The following RUNDC3B variants were observed in gnomAD, a reference collection of about 807,000 sequenced individuals.
The protein encoded by RUNDC3B is RUN domain containing 3B.
A neutral mutation model predicts 58.4 loss-of-function variants in RUNDC3B; 33 were observed. The observed-to-expected ratio is 0.56, with a 90% confidence interval of 0.43 to 0.75. The LOEUF is 0.75. RUNDC3B is among the 30% of genes least tolerant of loss of function. The pLI, the probability that RUNDC3B is intolerant of heterozygous loss-of-function variation, is 0.00. For missense variants in RUNDC3B, 501 were observed against 535.7 expected, an observed-to-expected ratio of 0.94 and a Z score of 0.64; for synonymous variants, 193 against 195.2, an observed-to-expected ratio of 0.99 and a Z score of 0.10.
chr7:87,700,726 C>T (rs970324205), intron 3 of RUNDC3B, among the ~76,000 whole-genome samples, 172 bp downstream of exon 3: 6 of 152,126 alleles, frequency 3.9e-5, no homozygotes, highest in Non-Finnish European at 8.8e-5. Flanking sequence ...ACTAGTGGCT[C>T]TCAAATAATG....
chr7:87,791,351 C>A (rs1835512979), intron 8 of RUNDC3B, among the ~76,000 whole-genome samples: 1 of 151,984 alleles, frequency 6.6e-6, no homozygotes, highest in African/African-American at 2.4e-5. Flanking sequence ...CTTCAATCTT[C>A]ATGAAAAGGA....
chr7:87,648,899 A>G (rs1823292879), intron 1 of RUNDC3B, among the ~76,000 whole-genome samples: 1 of 151,980 alleles, frequency 6.6e-6, no homozygotes, highest in Non-Finnish European at 1.5e-5. Context: ...TCAATTTCTA[A>G]TATGGTGAAT....
intron 6 of RUNDC3B, among the ~76,000 whole-genome samples, chr7:87,757,476 G>T (rs1378950672): frequency 6.6e-6 from 1 of 151,968 alleles, no homozygotes; most frequent in Non-Finnish European, 1.5e-5. Context: ...ATTAACCAAA[G>T]AAGTAAGAGA....
At chr7:87,679,885 A>G (rs948799220) in intron 2 of RUNDC3B, among the ~76,000 whole-genome samples, 1 of 150,746 alleles carries the variant, frequency 6.6e-6, no homozygotes, top group Non-Finnish European at 1.5e-5. Flanking sequence ...AACAGAAGAT[A>G]TCTGAAAAAT....
chr7:87,805,966 C>T (rs1400707207), intron 8 of RUNDC3B, among the ~76,000 whole-genome samples: 5 of 152,148 alleles, frequency 3.3e-5, no homozygotes, highest in Non-Finnish European at 5.9e-5. Flanking sequence ...CAGCCACTCT[C>T]TTTGTAAAGC....
At chr7:87,757,504 A>G (rs1243630575) in intron 6 of RUNDC3B, among the ~76,000 whole-genome samples, 1 of 152,204 alleles carries the variant, frequency 6.6e-6, no homozygotes, top group Non-Finnish European at 1.5e-5. Flanking sequence ...AATGAAAATT[A>G]TAAAATACTG....
intron 2 of RUNDC3B, among the ~76,000 whole-genome samples, chr7:87,689,275 T>A (rs1389454112): frequency 1.3e-5 from 2 of 152,126 alleles, no homozygotes; most frequent in Non-Finnish European, 2.9e-5. Context: ...TGATCTCTGA[T>A]GGTAATTCAT....
chr7:87,665,442 C>A (rs894938978), intron 2 of RUNDC3B, among the ~76,000 whole-genome samples: 1 of 152,074 alleles, frequency 6.6e-6, no homozygotes, highest in Admixed American at 6.6e-5. Context: ...GTAGAAGACA[C>A]AAATAAATAG....
chr7:87,748,109 A>G (rs183541145), intron 6 of RUNDC3B, among the ~76,000 whole-genome samples: 5 of 152,284 alleles, frequency 3.3e-5, no homozygotes, highest in African/African-American at 1.2e-4. Flanking sequence ...CCTGTGGTAC[A>G]GGCAGGAATG....
intron 10 of RUNDC3B, among the ~76,000 whole-genome samples, chr7:87,816,560 C>A (rs1490353562): frequency 1.3e-5 from 2 of 152,142 alleles, no homozygotes; most frequent in East Asian, 3.8e-4. Flanking sequence ...AGGTAATCAG[C>A]TATTAACATA....
intron 4 of RUNDC3B, among the ~76,000 whole-genome samples, chr7:87,715,298 TA>T (rs1372666428): frequency 1.6e-5 from 2 of 123,930 alleles, no homozygotes; most frequent in Non-Finnish European, 3.2e-5. Flanking sequence ...TAATTTATAA[TA>T]ATTATATATA....
intron 8 of RUNDC3B, among the ~76,000 whole-genome samples, chr7:87,805,719 C>G (rs1836400832): frequency 6.6e-6 from 1 of 152,262 alleles, no homozygotes; most frequent in Non-Finnish European, 1.5e-5. Context: ...AGTGCCATTT[C>G]CTCACAGATG....
intron 10 of RUNDC3B, among the ~76,000 whole-genome samples, chr7:87,822,950 A>T (rs1308543217): frequency 1.3e-5 from 2 of 152,132 alleles, no homozygotes; most frequent in African/African-American, 4.8e-5. Context: ...ATGACGAGTT[A>T]TTTGGTGCAG....
At chr7:87,811,264 C>T (rs1584261697) in intron 9 of RUNDC3B, among the ~76,000 whole-genome samples, 1 of 151,858 alleles carries the variant, frequency 6.6e-6, no homozygotes, top group East Asian at 1.9e-4. Context: ...CCCAATTTGG[C>T]CATAATTCAC....
chr7:87,629,102 A>C (rs1323729287), intron 1 of RUNDC3B, 157 bp downstream of exon 1: 1 of 651,060 alleles, frequency 1.5e-6, no homozygotes, highest in Non-Finnish European at 2.2e-6. Context: ...AGCTCCTTGG[A>C]CAGGGGCCCG....
chr7:87,740,266 C>T (rs1336161561), intron 5 of RUNDC3B, among the ~76,000 whole-genome samples: 1 of 151,846 alleles, frequency 6.6e-6, no homozygotes, highest in Non-Finnish European at 1.5e-5. Flanking sequence ...CATTATCTCA[C>T]GTGTTGAGAT....
chr7:87,770,877 GTCC>G, intron 7 of RUNDC3B, 128 bp downstream of exon 7: 1 of 596,012 alleles, frequency 1.7e-6, no homozygotes, highest in Non-Finnish European at 2.8e-6. Flanking sequence ...TTTTTGAATT[GTCC>G]TCCTCTTAAT....
At chr7:87,730,480 G>GGAAAAGGGGAGGAA (rs1213645139) in intron 4 of RUNDC3B, among the ~76,000 whole-genome samples, 1 of 151,448 alleles carries the variant, frequency 6.6e-6, no homozygotes, top group Admixed American at 6.6e-5. Flanking sequence ...TTCTGCTTGA[G>GGAAAAGGGGAGGAA]GAAAAGGGGA....
intron 2 of RUNDC3B, among the ~76,000 whole-genome samples, chr7:87,652,646 A>ATATATATATATATATATATATATATATAT (rs1563105075): frequency 5.4e-5 from 8 of 147,184 alleles, no homozygotes; most frequent in African/African-American, 1.8e-4. Context: ...ATATATATAT[A>ATATATATATATATATATATATATATATAT]GTAGGAAGTA....
Sources: gnomAD v4.1 joint callset for allele counts (sites outside exome capture counted in the v4.1 genomes callset) on GRCh38, gnomAD v4.1.1 for gene constraint, MANE v1.5 for transcripts, NCBI Gene and HGNC (gene_info 2026-07-23, HGNC 2026-07-21) for gene names.